Variants in DOK6 observed in about 807,000 individuals in gnomAD.
DOK6 encodes downstream of tyrosine kinase 6.
A neutral mutation model predicts 44.0 loss-of-function variants in DOK6; 22 were observed. That is an observed-to-expected ratio of 0.50 (90% CI 0.36 to 0.71). The LOEUF is 0.71. Ranked by LOEUF, DOK6 falls within the 30% of genes least tolerant of loss-of-function variation. The pLI is 0.00. For missense variants in DOK6, 340 were observed against 416.4 expected, an observed-to-expected ratio of 0.82 and a Z score of 1.60; for synonymous variants, 166 against 145.5, an observed-to-expected ratio of 1.14 and a Z score of -1.01.
intron 5 of DOK6, among the ~76,000 whole-genome samples, chr18:69,702,134 G>GTTTTT (rs34123199): frequency 2.4e-5 from 3 of 126,362 alleles, no homozygotes; most frequent in African/African-American, 8.7e-5. Context: ...TTCTGGGTTG[G>GTTTTT]TTTTTTTTTT....
chr18:69,469,606 C>A (rs1295050876), intron 1 of DOK6: 10 of 207,394 alleles, frequency 4.8e-5, no homozygotes, highest in Non-Finnish European at 1.0e-4. Flanking sequence ...TCCCTGCGTG[C>A]TCATCTCAGG....
chr18:69,749,195 C>G (rs901424596), intron 6 of DOK6, among the ~76,000 whole-genome samples: 2 of 152,060 alleles, frequency 1.3e-5, no homozygotes, highest in African/African-American at 2.4e-5. Context: ...GGAAAAATAG[C>G]TAGGCTTAAT....
At chr18:69,749,301 TA>T (rs535063531) in intron 6 of DOK6, among the ~76,000 whole-genome samples, 2 of 152,242 alleles carry the variant, frequency 1.3e-5, no homozygotes, top group South Asian at 4.1e-4. Context: ...CCCCAGAACT[TA>T]AAAATGAACA....
chr18:69,751,681 A>C (rs990036663), intron 6 of DOK6, among the ~76,000 whole-genome samples: 12 of 152,150 alleles, frequency 7.9e-5, no homozygotes, highest in Admixed American at 5.9e-4. Context: ...CATGTTCTCT[A>C]CTACAAAACA....
intron 1 of DOK6, among the ~76,000 whole-genome samples, chr18:69,480,546 T>A (rs1472597013): frequency 2.2e-4 from 33 of 152,310 alleles, no homozygotes; most frequent in Middle Eastern, 3.4e-3. Context: ...TAATTAATAT[T>A]CTCTGAATTT....
In DOK6 at chr18:69,822,856, T is replaced by C. The variant is rs530975941; in HGVS notation, c.857-18388T>C. ...GGACCAGTGTGTTATAATGAAGTTA[T>C]AAAAGTTTTTTTAAAAAAGAAATAG... is the stretch of plus-strand genomic sequence containing the variant. On this transcript the variant is annotated intron_variant, in intron 7 of 7. Transcript: ENST00000382713. 3.7e-4 allele frequency among the ~76,000 whole-genome samples: 57 copies of C among 152,338 alleles called. 1 individual carries two copies. The South Asian group carries it at 0.012, about 32-fold the overall frequency.
At chr18:69,683,772 T>C (rs1031709940) in intron 4 of DOK6, among the ~76,000 whole-genome samples, 4 of 152,232 alleles carry the variant, frequency 2.6e-5, no homozygotes, top group African/African-American at 9.6e-5. Context: ...TACTTTGTTA[T>C]GATAGCCCTA....
chr18:69,762,212 C>T (rs1019697026), intron 7 of DOK6, among the ~76,000 whole-genome samples: 1 of 152,030 alleles, frequency 6.6e-6, no homozygotes, highest in East Asian at 1.9e-4. Context: ...TATGATGGCA[C>T]ACGCCTGTAG....
intron 1 of DOK6, among the ~76,000 whole-genome samples, chr18:69,509,779 C>T (rs755614734): frequency 1.2e-4 from 19 of 152,100 alleles, no homozygotes; most frequent in Non-Finnish European, 2.8e-4. Context: ...TTTAACAGCT[C>T]TCATTTAAAT....
intron 6 of DOK6, among the ~76,000 whole-genome samples, chr18:69,745,558 T>A (rs1599301727): frequency 1.3e-5 from 2 of 152,262 alleles, no homozygotes; most frequent in Non-Finnish European, 2.9e-5. Flanking sequence ...ATCCAGTGAA[T>A]GTGATAGGAA....
At chr18:69,526,868 T>C (rs1405545829) in intron 1 of DOK6, among the ~76,000 whole-genome samples, 1 of 152,180 alleles carries the variant, frequency 6.6e-6, no homozygotes, top group Non-Finnish European at 1.5e-5. Context: ...TCCGTAAATA[T>C]TTTTACATGG....
chr18:69,670,490 C>T (rs1414225115), intron 3 of DOK6, among the ~76,000 whole-genome samples: 1 of 148,338 alleles, frequency 6.7e-6, no homozygotes, highest in African/African-American at 2.5e-5. Context: ...TCTTGAGAAA[C>T]CTAAAAAACT....
At position 69,788,820 on chromosome 18, in the gene DOK6, C is replaced by CA. The variant is rs546137157; in HGVS notation, c.856+30953dup. 2.3e-4 allele frequency among the ~76,000 whole-genome samples: 35 copies of CA among 152,210 alleles called. No homozygotes were observed. In the South Asian group the frequency reaches 7.0e-3, roughly 31 times the overall value. ...TGTCCCAATCTGTAAATTAGGAGCA[C>CA]AAAAAATTGGTCCAGCTGCCCTGTG... On this transcript the variant is annotated intron_variant, in intron 7 of 7. Transcript: ENST00000382713.
intron 5 of DOK6, among the ~76,000 whole-genome samples, chr18:69,705,544 G>C (rs1170332704): frequency 3.3e-5 from 5 of 152,106 alleles, no homozygotes; most frequent in African/African-American, 4.8e-5. Flanking sequence ...AGATTATAAT[G>C]GGTATCCTAC....
At chr18:69,643,809 T>A (rs1985002936) in intron 3 of DOK6, 1 of 152,202 alleles carries the variant, frequency 6.6e-6, no homozygotes, top group African/African-American at 2.4e-5. Flanking sequence ...TCATTTAGTT[T>A]TATAAGAAAG....
At chr18:69,817,144 T>C (rs1378194653) in intron 7 of DOK6, among the ~76,000 whole-genome samples, 1 of 152,130 alleles carries the variant, frequency 6.6e-6, no homozygotes, top group Non-Finnish European at 1.5e-5. Flanking sequence ...ATTCATCCAT[T>C]TCTTTCTTAT....
intron 1 of DOK6, among the ~76,000 whole-genome samples, chr18:69,522,672 T>C (rs56351814): frequency 0.016 from 2,495 of 152,188 alleles, 28 homozygotes; most frequent in Non-Finnish European, 0.026. Flanking sequence ...TTCTACATTC[T>C]GGATTTATTA....
intron 5 of DOK6, among the ~76,000 whole-genome samples, chr18:69,725,186 A>T (rs1978299826): frequency 6.6e-6 from 1 of 152,026 alleles, no homozygotes; most frequent in Non-Finnish European, 1.5e-5. Context: ...AGGATAAACT[A>T]CTCCAAACAA....
intron 6 of DOK6, among the ~76,000 whole-genome samples, chr18:69,746,458 G>A (rs1407060974): frequency 1.3e-5 from 2 of 152,054 alleles, no homozygotes; most frequent in South Asian, 2.1e-4. Context: ...ATTTTGCCAT[G>A]TTTCCCAGGC....
Sources: gnomAD v4.1 joint callset for allele counts (sites outside exome capture counted in the v4.1 genomes callset) on GRCh38, gnomAD v4.1.1 for gene constraint, MANE v1.5 for transcripts, NCBI Gene and HGNC (gene_info 2026-07-23, HGNC 2026-07-21) for gene names.